GPC5: variants seen among roughly 807,000 people sequenced by gnomAD.
GPC5 encodes the protein glypican-5.
GPC5 carries 47 observed loss-of-function variants against 53.9 expected under a neutral mutation model. The ratio of observed to expected loss-of-function variants is 0.87; its 90% CI spans 0.69 to 1.11. The LOEUF is 1.11. Among genes scored for constraint, GPC5 ranks in the 50% most tolerant of loss-of-function variants. The probability of loss-of-function intolerance (pLI) is 0.00; values close to 1 mark genes in which losing one functional copy is unlikely to be tolerated. For synonymous variants in GPC5, 286 were observed against 263.3 expected, an observed-to-expected ratio of 1.09 and a Z score of -0.84; for missense variants, 748 against 713.1, an observed-to-expected ratio of 1.05 and a Z score of -0.56.
At chr13:92,193,435 G>C (rs2042237384) in intron 7 of GPC5, among the ~76,000 whole-genome samples, 1 of 152,058 alleles carries the variant, frequency 6.6e-6, no homozygotes, top group Admixed American at 6.6e-5. Context: ...ACTTTATTTT[G>C]TGTATGTAAC....
At chr13:91,629,199 G>T (rs183321240) in intron 2 of GPC5, among the ~76,000 whole-genome samples, 1 of 152,196 alleles carries the variant, frequency 6.6e-6, no homozygotes, top group Admixed American at 6.5e-5. Context: ...ATTTTGTCCA[G>T]CCACACTTTT....
chr13:92,779,338 T>G (rs2138759640), intron 7 of GPC5, among the ~76,000 whole-genome samples: 1 of 152,148 alleles, frequency 6.6e-6, no homozygotes, highest in African/African-American at 2.4e-5. Context: ...GAATTCAAGA[T>G]GAGATTTGAG....
intron 7 of GPC5, among the ~76,000 whole-genome samples, chr13:92,261,301 T>TTG (rs930611577): frequency 6.6e-5 from 10 of 152,172 alleles, no homozygotes; most frequent in African/African-American, 2.4e-4. Flanking sequence ...TCATACAATC[T>TTG]TACAATCCTT....
chr13:91,915,422 C>A (rs2039648743), intron 6 of GPC5, among the ~76,000 whole-genome samples: 1 of 149,374 alleles, frequency 6.7e-6, no homozygotes, highest in African/African-American at 2.5e-5. Flanking sequence ...AGTTTGAGAA[C>A]TTTTTTTTTT....
intron 2 of GPC5, among the ~76,000 whole-genome samples, chr13:91,579,566 C>T (rs1469180601): frequency 6.6e-6 from 1 of 151,838 alleles, no homozygotes; most frequent in Non-Finnish European, 1.5e-5. Context: ...TGTTCTTACT[C>T]CTTAAGCTCT....
At chr13:91,854,710 A>T (rs2038948794) in intron 5 of GPC5, among the ~76,000 whole-genome samples, 1 of 151,890 alleles carries the variant, frequency 6.6e-6, no homozygotes, top group African/African-American at 2.4e-5. Context: ...TTCATTTTTA[A>T]TAAATAACTT....
chr13:91,996,874 A>G (rs1408308073), intron 6 of GPC5, among the ~76,000 whole-genome samples: 1 of 152,184 alleles, frequency 6.6e-6, no homozygotes, highest in East Asian at 1.9e-4. Flanking sequence ...TGTAGTATGT[A>G]GCAATTGTAT....
At chr13:92,836,560 CAGAT>C (rs1391576477) in intron 7 of GPC5, among the ~76,000 whole-genome samples, 7 of 152,096 alleles carry the variant, frequency 4.6e-5, no homozygotes, top group African/African-American at 1.4e-4. Context: ...ACAGTATGCT[CAGAT>C]ACCCAATAAG....
At chr13:91,924,498 G>A (rs1358508498) in intron 6 of GPC5, among the ~76,000 whole-genome samples, 1 of 152,098 alleles carries the variant, frequency 6.6e-6, no homozygotes, top group East Asian at 1.9e-4. Flanking sequence ...GCCGAGGCTG[G>A]CAGATTGCTT....
chr13:91,648,572 G>A (rs1204625313), intron 2 of GPC5, among the ~76,000 whole-genome samples: 1 of 151,962 alleles, frequency 6.6e-6, no homozygotes, highest in African/African-American at 2.4e-5. Context: ...ATTGTAAAAA[G>A]TAGAAAGTAT....
intron 7 of GPC5, among the ~76,000 whole-genome samples, chr13:92,385,529 T>TATAC (rs940803699): frequency 7.2e-6 from 1 of 137,998 alleles, no homozygotes; most frequent in African/African-American, 3.0e-5. Flanking sequence ...CATATGCATA[T>TATAC]ATACATATAT....
At chr13:91,804,328 A>G (rs1169546199) in intron 5 of GPC5, among the ~76,000 whole-genome samples, 1 of 152,056 alleles carries the variant, frequency 6.6e-6, no homozygotes, top group African/African-American at 2.4e-5. Context: ...AATATGCAGT[A>G]GTATAGCTAT....
At chr13:92,034,552 A>G (rs1382259626) in intron 6 of GPC5, among the ~76,000 whole-genome samples, 1 of 152,144 alleles carries the variant, frequency 6.6e-6, no homozygotes, top group Non-Finnish European at 1.5e-5. Context: ...GGTAAAGTTA[A>G]TAAGAGAGTC....
At chr13:92,155,583 TTTTC>T (rs2041938478) in intron 7 of GPC5, among the ~76,000 whole-genome samples, 1 of 152,160 alleles carries the variant, frequency 6.6e-6, no homozygotes, top group African/African-American at 2.4e-5. Context: ...GTTTGTTGAA[TTTTC>T]TTTATCTTCA....
intron 7 of GPC5, among the ~76,000 whole-genome samples, chr13:92,181,136 T>C (rs1055743276): frequency 6.6e-6 from 1 of 152,120 alleles, no homozygotes. Context: ...GCCAGCCTGG[T>C]TGTGGGCTAC....
intron 6 of GPC5, among the ~76,000 whole-genome samples, chr13:92,133,065 A>G (rs548820877): frequency 6.6e-6 from 1 of 152,260 alleles, no homozygotes; most frequent in East Asian, 1.9e-4. Flanking sequence ...ACACATTTAA[A>G]TAGTTAACAG....
chr13:91,677,984 A>G (rs1333276252), intron 2 of GPC5, among the ~76,000 whole-genome samples: 1 of 152,166 alleles, frequency 6.6e-6, no homozygotes, highest in African/African-American at 2.4e-5. Flanking sequence ...TCTTGGTCTG[A>G]TTGATTTTGT....
At chr13:91,446,238 G>A (rs1415538206) in intron 1 of GPC5, among the ~76,000 whole-genome samples, 3 of 152,080 alleles carry the variant, frequency 2.0e-5, no homozygotes, top group Non-Finnish European at 4.4e-5. Context: ...AAAATATACA[G>A]GCATGTAGAT....
At chr13:92,014,842 G>T (rs1404289786) in intron 6 of GPC5, among the ~76,000 whole-genome samples, 2 of 152,170 alleles carry the variant, frequency 1.3e-5, no homozygotes, top group Non-Finnish European at 2.9e-5. Context: ...GCATTAGAAA[G>T]ATGATTCTAA....
Sources: allele counts gnomAD v4.1 joint callset (sites outside exome capture counted in the v4.1 genomes callset), GRCh38; gene constraint gnomAD v4.1.1; transcripts MANE v1.5; gene names NCBI Gene and HGNC (gene_info 2026-07-23, HGNC 2026-07-21).